Variants in PCLO observed in about 807,000 individuals in gnomAD.
The protein encoded by PCLO is protein piccolo.
PCLO carries 82 observed loss-of-function variants against 427.5 expected under a neutral mutation model. That is an observed-to-expected ratio of 0.19 (90% confidence interval 0.16 to 0.23). The LOEUF (loss-of-function observed/expected upper bound fraction) is 0.23. PCLO is among the 10% of genes least tolerant of loss of function. The pLI is 1.00. For missense variants in PCLO, 6,239 were observed against 6,115.9 expected (o/e 1.02, Z -0.67); for synonymous variants, 2,357 against 2,155.4 (o/e 1.09, Z -2.59).
chr7:83,155,054 G>C lies in PCLO; in HGVS notation c.1587C>G (p.Pro529=). 6.2e-7 allele frequency: 1 copy of C among 1,613,202 alleles called. No homozygotes were observed. The change falls in exon 2 of 25, where the codon CCC becomes CCG. Residue 529 remains proline (P), a synonymous_variant. Transcript: ENST00000333891. ...PSPQQPGSTK[P]PSQQPGSAKP... ...TTGCTGAGCCAGGCTGTTGAGATGGGGGTTTTGTTGAGCCAGGCTGTTGAG... is the reference window on the plus strand; with the variant it reads ...TTGCTGAGCCAGGCTGTTGAGATGGCGGTTTTGTTGAGCCAGGCTGTTGAG...
intron 3 of PCLO, among the ~76,000 whole-genome samples, chr7:83,112,006 C>G (rs1791015257): frequency 6.6e-6 from 1 of 151,794 alleles, no homozygotes; most frequent in Admixed American, 6.6e-5. Context: ...CTGAGAGTGA[C>G]AGAGTATTTT....
chr7:83,082,808 C>T (rs1437190302), intron 3 of PCLO, among the ~76,000 whole-genome samples: 1 of 151,194 alleles, frequency 6.6e-6, no homozygotes, highest in Non-Finnish European at 1.5e-5. Flanking sequence ...TAAAAAATAT[C>T]TGAAAAAGAA....
chr7:82,848,332 A>AG (rs977004495), intron 10 of PCLO, among the ~76,000 whole-genome samples: 6 of 120,244 alleles, frequency 5.0e-5, no homozygotes, highest in Admixed American at 9.0e-5. Context: ...TTTTTTTTTA[A>AG]ACAGGTCCCA....
chr7:82,802,898 T>C (rs749700236), intron 21 of PCLO, among the ~76,000 whole-genome samples: 15 of 152,176 alleles, frequency 9.9e-5, no homozygotes, highest in Non-Finnish European at 1.6e-4. Flanking sequence ...AATTATTTTA[T>C]CTCAAAAGCC....
intron 20 of PCLO, chr7:82,822,096 C>T (rs1584011071): frequency 4.4e-6 from 4 of 914,552 alleles, no homozygotes; most frequent in Admixed American, 5.6e-5. Flanking sequence ...TATGTGTGCA[C>T]TTTTTTTTTT....
At chr7:82,820,078 C>A (rs1394580988) in intron 20 of PCLO, among the ~76,000 whole-genome samples, 2 of 152,090 alleles carry the variant, frequency 1.3e-5, no homozygotes, top group Non-Finnish European at 2.9e-5. Context: ...TGTAAATTTG[C>A]TTTCCTTTCT....
chr7:82,848,283 A>G (rs184806749), intron 10 of PCLO, among the ~76,000 whole-genome samples: 254 of 118,962 alleles, frequency 2.1e-3, no homozygotes, highest in African/African-American at 7.1e-3. Context: ...TACCACAATT[A>G]TGTTGTTGAA....
chr7:83,094,032 T>A (rs1345688217), intron 3 of PCLO, among the ~76,000 whole-genome samples: 1 of 151,810 alleles, frequency 6.6e-6, no homozygotes, highest in East Asian at 1.9e-4. Context: ...ATGACCCTCG[T>A]GCTGTTTTAT....
chr7:83,150,517 G>T (rs1792102123), intron 2 of PCLO, among the ~76,000 whole-genome samples: 1 of 152,138 alleles, frequency 6.6e-6, no homozygotes, highest in Non-Finnish European at 1.5e-5. Context: ...TGGCAGGGTT[G>T]GGTCGGGGAG....
chr7:82,909,106 G>T, intron 7 of PCLO, 93 bp from the exon 8 acceptor site: 1 of 1,229,758 alleles, frequency 8.1e-7, no homozygotes, highest in Admixed American at 2.1e-5. Flanking sequence ...CATGCACTAG[G>T]CTTGTTAACC....
intron 9 of PCLO, among the ~76,000 whole-genome samples, chr7:82,892,540 C>G (rs948848437): frequency 6.6e-6 from 1 of 152,140 alleles, no homozygotes; most frequent in Admixed American, 6.6e-5. Context: ...GTCTAAAACA[C>G]CAAAAGCAAT....
Position 82,787,053 on chromosome 7 carries a change from G to T in PCLO, c.15007+14465C>A, listed in dbSNP as rs187617734. Among the ~76,000 whole-genome samples the T allele has an allele frequency of 1.1e-4, 16 of 152,108 alleles. No homozygotes were observed. In the East Asian group the frequency reaches 1.9e-3, roughly 18 times the overall value. On this transcript the variant is annotated intron_variant, in intron 22 of 24. Coordinates refer to ENST00000333891, the MANE Select transcript of PCLO (RefSeq NM_033026.6). ...GTGAACACACAATAAACATACGTGT[G>T]CATGTGTCTTTATAGGAGAATGATT...
chr7:83,130,890 A>G (rs544691352), intron 3 of PCLO, among the ~76,000 whole-genome samples: 1 of 152,330 alleles, frequency 6.6e-6, no homozygotes, highest in African/African-American at 2.4e-5. Context: ...AGGAAGCAAA[A>G]TTATGACTCC....
chr7:82,977,972 T>G (rs1359815332), intron 3 of PCLO, among the ~76,000 whole-genome samples: 1 of 152,078 alleles, frequency 6.6e-6, no homozygotes, highest in Non-Finnish European at 1.5e-5. Flanking sequence ...GGAGTCAGAG[T>G]TGCAGAGTAT....
At chr7:82,917,788 C>T (rs1167605136) in intron 6 of PCLO, among the ~76,000 whole-genome samples, 1 of 151,822 alleles carries the variant, frequency 6.6e-6, no homozygotes, top group Admixed American at 6.6e-5. Context: ...AATCCAAATA[C>T]ATTAATTCTC....
intron 22 of PCLO, among the ~76,000 whole-genome samples, chr7:82,797,748 A>G (rs924687586): frequency 6.6e-6 from 1 of 152,146 alleles, no homozygotes; most frequent in African/African-American, 2.4e-5. Flanking sequence ...TTACTGTTTT[A>G]TACTACAACT....
rs552647307 is a variant in PCLO, at chr7:82,864,985, G to A, written c.13654+14352C>T. 2.0e-5 allele frequency among the ~76,000 whole-genome samples: 3 copies of A among 152,106 alleles called. No individual in the cohort carries two copies. The East Asian group carries it at 5.8e-4, about 29-fold the overall frequency. ...CAGTTTATTAATGCAAACTGTCTAA[G>A]CACTCTAAAATATTGAGAGATTTTA... On this transcript the variant is annotated intron_variant, in intron 10 of 24. Transcript: ENST00000333891.
At chr7:83,091,774 C>T (rs1031639197) in intron 3 of PCLO, among the ~76,000 whole-genome samples, 1 of 152,174 alleles carries the variant, frequency 6.6e-6, no homozygotes, top group Non-Finnish European at 1.5e-5. Flanking sequence ...TTTATCCATA[C>T]TAGTAAGCCA....
chr7:83,152,407 C>T (rs1792162296), intron 2 of PCLO, among the ~76,000 whole-genome samples: 1 of 152,126 alleles, frequency 6.6e-6, no homozygotes, highest in African/African-American at 2.4e-5. Context: ...TGTAACTAGG[C>T]ATTTGATACA....
Sources: allele counts gnomAD v4.1 joint callset (sites outside exome capture counted in the v4.1 genomes callset), GRCh38; gene constraint gnomAD v4.1.1; transcripts MANE v1.5; gene names NCBI Gene and HGNC (gene_info 2026-07-23, HGNC 2026-07-21).